PTPN3: variants seen among roughly 807,000 people sequenced by gnomAD.
PTPN3 encodes protein tyrosine phosphatase non-receptor type 3, also known as tyrosine-protein phosphatase non-receptor type 3.
Under a neutral mutation model 132.7 loss-of-function variants are expected in PTPN3, and 96 were observed. That is an observed-to-expected ratio of 0.72 (90% CI 0.61 to 0.86). The LOEUF (loss-of-function observed/expected upper bound fraction) is 0.86. PTPN3 is among the 40% of genes least tolerant of loss of function. The probability of loss-of-function intolerance (pLI) is 0.00; values close to 1 mark genes in which losing one functional copy is unlikely to be tolerated. For missense variants in PTPN3, 1,125 were observed against 1,159.6 expected (o/e 0.97, Z 0.43); for synonymous variants, 398 against 429.0 (o/e 0.93, Z 0.89).
At chr9:109,531,286 A>G in the PTPN3 span, among the ~76,000 whole-genome samples, 1,147 of 152,298 alleles carry the variant, frequency 7.5e-3, 10 homozygotes, top group African/African-American at 0.026. Context: ...CCCTACCATA[A>G]CATGAATGTT....
At chr9:109,529,119 GA>G in the PTPN3 span, among the ~76,000 whole-genome samples, 1 of 152,158 alleles carries the variant, frequency 6.6e-6, no homozygotes, top group Non-Finnish European at 1.5e-5. Flanking sequence ...AATTTGCTAG[GA>G]ACCTGGGACT....
In PTPN3 at chr9:109,493,591, A is replaced by G. The variant is rs142736312; in HGVS notation, c.-18+4628T>C. Among the ~76,000 whole-genome samples the G allele has an allele frequency of 2.0e-5, 3 of 152,208 alleles. No individual in the cohort carries two copies. In the East Asian group the frequency reaches 5.8e-4, roughly 29 times the overall value. ...ACCATCAAAATGTTTCAAAAATTCC[A>G]CTCTCTCAGTATCCAAACACTTCTC... On this transcript the variant is annotated intron_variant, in intron 1 of 25. Transcript: ENST00000374541.
intron 1 of PTPN3, among the ~76,000 whole-genome samples, chr9:109,473,035 G>T (rs1846456086): frequency 6.6e-6 from 1 of 152,146 alleles, no homozygotes; most frequent in Non-Finnish European, 1.5e-5. Flanking sequence ...AAAAATTTGG[G>T]TATTTATGAA....
intron 5 of PTPN3, among the ~76,000 whole-genome samples, chr9:109,452,504 A>G (rs1355983457): frequency 6.6e-6 from 1 of 152,028 alleles, no homozygotes; most frequent in Non-Finnish European, 1.5e-5. Context: ...AATATATATA[A>G]AAGACACATA....
At chr9:109,404,334 T>C (rs1016528738) in intron 19 of PTPN3, 114 bp downstream of exon 19, 30 of 806,742 alleles carry the variant, frequency 3.7e-5, no homozygotes, top group Admixed American at 7.4e-5. Flanking sequence ...CACACAATCA[T>C]CTCGACCAAG....
chr9:109,432,762 T>C (rs1180536225), intron 10 of PTPN3, among the ~76,000 whole-genome samples: 2 of 152,234 alleles, frequency 1.3e-5, no homozygotes, highest in African/African-American at 4.8e-5. Context: ...AGCTCTTCTC[T>C]GAATTCTGAC....
At chr9:109,434,208 C>G (rs1024446771) in intron 9 of PTPN3, among the ~76,000 whole-genome samples, 1 of 152,188 alleles carries the variant, frequency 6.6e-6, no homozygotes. Flanking sequence ...CAGTGGTGCA[C>G]ACGTGGCTCA....
chr9:109,393,676 A>G (rs1401562808), intron 19 of PTPN3, among the ~76,000 whole-genome samples: 1 of 152,108 alleles, frequency 6.6e-6, no homozygotes, highest in Non-Finnish European at 1.5e-5. Context: ...GTTTCGATAC[A>G]TATAACCAAG....
At chr9:109,409,747 C>T (rs189614139) in intron 16 of PTPN3, among the ~76,000 whole-genome samples, 15 of 152,112 alleles carry the variant, frequency 9.9e-5, no homozygotes, top group Admixed American at 5.9e-4. Flanking sequence ...GGGAGGTCAG[C>T]GCTGCAGTGA....
At position 109,415,052 on chromosome 9, in the gene PTPN3, A is replaced by ATCCGTCCG. The variant is rs1256859475; in HGVS notation, c.1314-4638_1314-4637insCGGACGGA. On this transcript the variant is annotated intron_variant, in intron 14 of 25. Coordinates refer to ENST00000374541, the MANE Select transcript of PTPN3 (RefSeq NM_002829.4). ...CGTCTGTCCGTCCGTCCGTCCGTCC[A>ATCCGTCCG]TCCGTCCATCCGTCCGTCCATCCAA... Among the ~76,000 whole-genome samples, 121 of 133,854 alleles carry ATCCGTCCG rather than the reference A, an allele frequency of 9.0e-4. 1 individual carries two copies. The highest frequency in any genetic ancestry group is 2.3e-3 in the South Asian group (8 of 3,546). 87.8% of individuals were successfully genotyped at this position (133,854 alleles called of 152,430 possible).
chr9:109,450,496 C>T (rs924164301), intron 5 of PTPN3: 9 of 984,390 alleles, frequency 9.1e-6, no homozygotes, highest in Admixed American at 6.2e-5. Context: ...GTGGAGATCA[C>T]CACTCACCAA....
chr9:109,446,713 C>A (rs765850916), intron 6 of PTPN3, among the ~76,000 whole-genome samples: 3 of 152,184 alleles, frequency 2.0e-5, no homozygotes, highest in Non-Finnish European at 4.4e-5. Flanking sequence ...AGAAACAATC[C>A]TATGAAGAAA....
intron 9 of PTPN3, among the ~76,000 whole-genome samples, chr9:109,433,704 G>T (rs1588418976): frequency 6.6e-6 from 1 of 152,068 alleles, no homozygotes; most frequent in Non-Finnish European, 1.5e-5. Context: ...CCAGGAGTTT[G>T]AGGCCAACCT....
At chr9:109,464,436 A>G (rs928091994) in intron 1 of PTPN3, among the ~76,000 whole-genome samples, 1 of 152,194 alleles carries the variant, frequency 6.6e-6, no homozygotes, top group African/African-American at 2.4e-5. Context: ...GAGGATTGCA[A>G]AACTACCTTT....
chr9:109,467,995 G>A (rs1047854881), intron 1 of PTPN3, among the ~76,000 whole-genome samples: 1 of 152,202 alleles, frequency 6.6e-6, no homozygotes, highest in Non-Finnish European at 1.5e-5. Flanking sequence ...ACCTTGGTAA[G>A]AATGAGCCTG....
At chr9:109,389,082 G>T in intron 22 of PTPN3, 151 bp downstream of exon 22, 3 of 969,552 alleles carry the variant, frequency 3.1e-6, no homozygotes, top group East Asian at 2.8e-5. Context: ...CCGTCACTAG[G>T]GGTGTCTATT....
At chr9:109,515,378 A>C in the PTPN3 span, among the ~76,000 whole-genome samples, 17 of 152,178 alleles carry the variant, frequency 1.1e-4, no homozygotes, top group Middle Eastern at 0.01. Flanking sequence ...CCTGCATTGG[A>C]GTTGCTGCTC....
At position 109,489,491 on chromosome 9, in the gene PTPN3, G is replaced by A. The variant is rs899399571; in HGVS notation, c.-18+8728C>T. 9.9e-5 allele frequency among the ~76,000 whole-genome samples: 15 copies of A among 152,252 alleles called. No homozygotes were observed. In the South Asian group the frequency reaches 2.5e-3, roughly 25 times the overall value. Reference sequence around the variant, plus strand: ...CTCGAAGTCACTCTTAAATCCGGACGTGACCACACGTCCGGATTTACCTAG... The same window carrying A: ...CTCGAAGTCACTCTTAAATCCGGACATGACCACACGTCCGGATTTACCTAG... On this transcript the variant is annotated intron_variant, in intron 1 of 25. Transcript: ENST00000374541.
At chr9:109,514,307 A>C in the PTPN3 span, among the ~76,000 whole-genome samples, 1 of 152,126 alleles carries the variant, frequency 6.6e-6, no homozygotes, top group Non-Finnish European at 1.5e-5. Flanking sequence ...CCTCTGCTTG[A>C]AAACTTGCAA....
Sources: allele counts gnomAD v4.1 joint callset (sites outside exome capture counted in the v4.1 genomes callset), GRCh38; gene constraint gnomAD v4.1.1; transcripts MANE v1.5; gene names NCBI Gene and HGNC (gene_info 2026-07-23, HGNC 2026-07-21).